Variants in ZNF407 observed in about 807,000 individuals in gnomAD.
ZNF407 encodes zinc finger protein 407.
Under a neutral mutation model 131.2 loss-of-function variants are expected in ZNF407, and 17 were observed. That is an observed-to-expected ratio of 0.13 (90% CI 0.09 to 0.19). The LOEUF is 0.19. ZNF407 is among the 10% of genes least tolerant of loss of function. The pLI, the probability that ZNF407 is intolerant of heterozygous loss-of-function variation, is 1.00. For synonymous variants in ZNF407, 1,156 were observed against 1,062.0 expected, an observed-to-expected ratio of 1.09 and a Z score of -1.72; for missense variants, 2,681 against 2,830.6, an observed-to-expected ratio of 0.95 and a Z score of 1.20.
At chr18:74,767,056 T>G (rs1030140068) in intron 3 of ZNF407, among the ~76,000 whole-genome samples, 4 of 151,996 alleles carry the variant, frequency 2.6e-5, no homozygotes, top group African/African-American at 9.7e-5. Context: ...GTACCACAGG[T>G]GCGCACCATC....
chr18:74,601,608 A>G lies in ZNF407; in HGVS notation c.-54+3671A>G, dbSNP rs995423630. ...GTGAAGCCTCAGGAAGCTCTCCATC[A>G]TGGCAGAAGGCAAACGGGGAGCTTG... On this transcript the variant is annotated intron_variant, in intron 1 of 8. Coordinates refer to ENST00000299687, the MANE Select transcript of ZNF407 (RefSeq NM_017757.3). 1.6e-4 allele frequency among the ~76,000 whole-genome samples: 24 copies of G among 152,180 alleles called. 1 individual carries two copies.
At chr18:74,909,669 A>AAAG (rs1971642691) in intron 7 of ZNF407, among the ~76,000 whole-genome samples, 3 of 152,120 alleles carry the variant, frequency 2.0e-5, no homozygotes, top group African/African-American at 7.2e-5. Context: ...ACTTGTACTT[A>AAAG]CGGTTTTTCT....
rs200887738 is a variant in ZNF407 at position 74,797,813 on chromosome 18, A to ATT, written c.4877+16326_4877+16327dup. On this transcript the variant is annotated intron_variant, in intron 4 of 8. Transcript: ENST00000299687. ...CTTATGAGTTAATTAGCTGCAAGGCATTTTTTTTTTTTTTTTACATTTTAA... is the reference window on the plus strand; with the variant it reads ...CTTATGAGTTAATTAGCTGCAAGGCATTTTTTTTTTTTTTTTTTACATTTTAA... 2.4e-3 allele frequency among the ~76,000 whole-genome samples: 341 copies of ATT among 141,124 alleles called. 1 individual carries two copies. The highest frequency in any genetic ancestry group is 8.2e-3 in the African/African-American group (318 of 38,656). The allele number at this position is 141,124 out of a possible 152,430, so 92.6% of individuals were successfully genotyped here.
chr18:75,053,234 C>T lies in ZNF407; in HGVS notation c.5429-9916C>T, dbSNP rs547355960. On this transcript the variant is annotated intron_variant, in intron 8 of 8. Transcript: ENST00000299687. ...GTGAGGCCTTAGTGCCGGCCGCACC[C>T]AGGTCCCGCCTCACCCCGTCCTGTG... 3.3e-5 allele frequency among the ~76,000 whole-genome samples: 5 copies of T among 152,338 alleles called. No homozygotes were observed. In the East Asian group the frequency reaches 7.7e-4, roughly 23 times the overall value.
intron 8 of ZNF407, among the ~76,000 whole-genome samples, chr18:74,970,158 A>G (rs1449434561): frequency 6.6e-6 from 1 of 151,986 alleles, no homozygotes; most frequent in East Asian, 1.9e-4. Flanking sequence ...CCATGATTCA[A>G]TCACCCCCGC....
intron 4 of ZNF407, among the ~76,000 whole-genome samples, chr18:74,855,968 A>T (rs1419744665): frequency 6.6e-6 from 1 of 152,358 alleles, no homozygotes; most frequent in East Asian, 1.9e-4. Flanking sequence ...AAAGGCTGTG[A>T]CAACAGCCCT....
intron 1 of ZNF407, among the ~76,000 whole-genome samples, chr18:74,622,828 ACG>A: frequency 2.2e-5 from 1 of 45,012 alleles, no homozygotes; most frequent in East Asian, 6.0e-4. Flanking sequence ...GAATGTGAGT[ACG>A]TGTGAGTGTG....
chr18:74,960,109 C>T (rs112896072), intron 8 of ZNF407, among the ~76,000 whole-genome samples: 24 of 152,300 alleles, frequency 1.6e-4, no homozygotes, highest in African/African-American at 5.3e-4. Context: ...ACGCAAGTAC[C>T]GTGTTCATTT....
chr18:74,909,560 G>C (rs1360652754), intron 7 of ZNF407, among the ~76,000 whole-genome samples: 1 of 151,784 alleles, frequency 6.6e-6, no homozygotes, highest in Non-Finnish European at 1.5e-5. Flanking sequence ...GGTTTTTTTT[G>C]TAATTTTCAT....
chr18:74,621,864 C>T (rs1983525132), intron 1 of ZNF407, among the ~76,000 whole-genome samples: 1 of 152,178 alleles, frequency 6.6e-6, no homozygotes, highest in South Asian at 2.1e-4. Context: ...GCAAGGTAGC[C>T]TGGTCTCAGG....
At chr18:75,029,631 G>C (rs1264058513) in intron 8 of ZNF407, among the ~76,000 whole-genome samples, 1 of 152,222 alleles carries the variant, frequency 6.6e-6, no homozygotes, top group Admixed American at 6.5e-5. Flanking sequence ...GTGTGCGTGG[G>C]TGTGCGTGCG....
intron 3 of ZNF407, among the ~76,000 whole-genome samples, chr18:74,752,225 A>T (rs927439491): frequency 3.3e-5 from 5 of 151,110 alleles, no homozygotes; most frequent in African/African-American, 1.2e-4. Flanking sequence ...GGGTTGTTTG[A>T]TTTGTTTCTT....
At position 74,632,730 on chromosome 18, in the gene ZNF407, G is replaced by C. The variant is rs778691791; in HGVS notation, c.1711G>C (p.Asp571His). 8 of 1,613,984 alleles carry C rather than the reference G, an allele frequency of 5.0e-6. No homozygotes were observed. The highest frequency in any genetic ancestry group is 6.8e-6 in the Non-Finnish European group (8 of 1,179,904). ...TCDFSSMSRRDLDEHLHSNQH... is the reference protein window; with the variant it reads ...TCDFSSMSRRHLDEHLHSNQH... ...TGACTTCTCTAGTATGTCAAGAAGG[G>C]ACTTAGATGAACATTTGCACAGTAA... is the stretch of plus-strand genomic sequence containing the variant. Residue 571 changes from aspartate to histidine, a missense_variant, in exon 2 of 9, where the codon GAC becomes CAC. Coordinates refer to ENST00000299687, the MANE Select transcript of ZNF407 (RefSeq NM_017757.3).
chr18:75,019,669 A>G (rs765269371), intron 8 of ZNF407, among the ~76,000 whole-genome samples: 3 of 152,100 alleles, frequency 2.0e-5, no homozygotes, highest in Non-Finnish European at 4.4e-5. Flanking sequence ...TCACACTGCT[A>G]TAAAGAAATA....
At chr18:74,855,643 G>T (rs1970849069) in intron 4 of ZNF407, among the ~76,000 whole-genome samples, 1 of 152,250 alleles carries the variant, frequency 6.6e-6, no homozygotes, top group South Asian at 2.1e-4. Context: ...TAATCTTGGG[G>T]TTGTACATTT....
intron 4 of ZNF407, among the ~76,000 whole-genome samples, chr18:74,832,044 C>G (rs1334734473): frequency 6.6e-6 from 1 of 152,186 alleles, no homozygotes; most frequent in Non-Finnish European, 1.5e-5. Flanking sequence ...CTTCACTTCT[C>G]TTGGCTTTGA....
intron 7 of ZNF407, among the ~76,000 whole-genome samples, chr18:74,902,774 A>G (rs931139907): frequency 4.6e-5 from 7 of 152,228 alleles, no homozygotes. Context: ...TACAGCATAG[A>G]GTTAAAGCTA....
intron 3 of ZNF407, among the ~76,000 whole-genome samples, chr18:74,676,949 C>T (rs987580590): frequency 3.9e-5 from 6 of 152,162 alleles, no homozygotes; most frequent in Non-Finnish European, 8.8e-5. Flanking sequence ...AGGCCACTGC[C>T]CCCGTCTTCC....
intron 3 of ZNF407, among the ~76,000 whole-genome samples, chr18:74,770,403 A>T (rs1969335913): frequency 6.6e-6 from 1 of 152,172 alleles, no homozygotes; most frequent in South Asian, 2.1e-4. Flanking sequence ...TCTCAAAAAA[A>T]TAACCAACCT....
Sources: gnomAD v4.1 joint callset for allele counts (sites outside exome capture counted in the v4.1 genomes callset) on GRCh38, gnomAD v4.1.1 for gene constraint, MANE v1.5 for transcripts, NCBI Gene and HGNC (gene_info 2026-07-23, HGNC 2026-07-21) for gene names.